The following PTTG1IP2 variants were observed in gnomAD, a reference collection of about 807,000 sequenced individuals.
The protein encoded by PTTG1IP2 is PTTG1IP family member 2.
chr7:90,485,873 A>G (rs1451384297), intron 2 of PTTG1IP2, among the ~76,000 whole-genome samples: 1 of 152,142 alleles, frequency 6.6e-6, no homozygotes, highest in African/African-American at 2.4e-5. Flanking sequence ...CTTGATTCCT[A>G]GACACTCTGA....
intron 2 of PTTG1IP2, among the ~76,000 whole-genome samples, chr7:90,483,529 G>A (rs368421063): frequency 2.0e-5 from 3 of 152,070 alleles, no homozygotes; most frequent in African/African-American, 7.2e-5. Context: ...CAGACAAAAT[G>A]GAAAACACAA....
intron 5 of PTTG1IP2, among the ~76,000 whole-genome samples, chr7:90,493,172 T>C (rs1481955164): frequency 6.6e-6 from 1 of 152,176 alleles, no homozygotes; most frequent in African/African-American, 2.4e-5. Context: ...CAGATTATTT[T>C]AGTGCTTTGG....
At chr7:90,508,874 T>A (rs912595550) in intron 6 of PTTG1IP2, among the ~76,000 whole-genome samples, 6 of 152,224 alleles carry the variant, frequency 3.9e-5, no homozygotes, top group Non-Finnish European at 5.9e-5. Context: ...CACTCATCCC[T>A]CAGCCAGCCT....
chr7:90,482,682 G>A (rs151277937), intron 2 of PTTG1IP2, among the ~76,000 whole-genome samples: 270 of 152,212 alleles, frequency 1.8e-3, no homozygotes, highest in Non-Finnish European at 3.0e-3. Flanking sequence ...TCCTTGGAAC[G>A]AAAGTTCTCA....
intron 6 of PTTG1IP2, among the ~76,000 whole-genome samples, chr7:90,500,816 T>A (rs1798053547): frequency 6.6e-6 from 1 of 152,186 alleles, no homozygotes; most frequent in South Asian, 2.1e-4. Flanking sequence ...GGGCCTGGTG[T>A]CTGGAGGTAT....
chr7:90,501,015 A>G (rs1014277553), intron 6 of PTTG1IP2, among the ~76,000 whole-genome samples: 1 of 152,186 alleles, frequency 6.6e-6, no homozygotes, highest in Admixed American at 6.5e-5. Context: ...CTAAGTAAAC[A>G]TTTAAATTTA....
intron 6 of PTTG1IP2, among the ~76,000 whole-genome samples, chr7:90,506,611 T>G (rs1239389078): frequency 2.0e-5 from 3 of 152,078 alleles, no homozygotes; most frequent in Admixed American, 6.5e-5. Flanking sequence ...AAAAAAAATT[T>G]TTTTAATTAG....
intron 6 of PTTG1IP2, among the ~76,000 whole-genome samples, chr7:90,510,891 G>A (rs1798182206): frequency 6.6e-6 from 1 of 152,176 alleles, no homozygotes; most frequent in Non-Finnish European, 1.5e-5. Flanking sequence ...AAAATGTGGT[G>A]CTTAAAAACT....
chr7:90,496,996 CA>C (rs1395804175), intron 6 of PTTG1IP2, among the ~76,000 whole-genome samples: 2 of 152,040 alleles, frequency 1.3e-5, no homozygotes, highest in African/African-American at 4.8e-5. Context: ...GTGAATTTTC[CA>C]AATTTCTTCT....
At chr7:90,470,290 G>GT (rs1447694820) in intron 1 of PTTG1IP2, 9 of 152,034 alleles carry the variant, frequency 5.9e-5, no homozygotes, top group African/African-American at 2.2e-4. Flanking sequence ...TCTTTCTTAA[G>GT]TTTTTTAAGG....
At chr7:90,503,213 C>T (rs1798081692) in intron 6 of PTTG1IP2, among the ~76,000 whole-genome samples, 1 of 152,214 alleles carries the variant, frequency 6.6e-6, no homozygotes, top group African/African-American at 2.4e-5. Context: ...AGCTTCCTTA[C>T]CTCTCTCAGC....
At chr7:90,487,624 A>G (rs1008570259) in intron 3 of PTTG1IP2, among the ~76,000 whole-genome samples, 1 of 152,222 alleles carries the variant, frequency 6.6e-6, no homozygotes, top group Non-Finnish European at 1.5e-5. Flanking sequence ...TAAGTAAAAT[A>G]AAAATAAAAA....
chr7:90,502,169 T>A (rs551453115), intron 6 of PTTG1IP2, among the ~76,000 whole-genome samples: 1 of 152,344 alleles, frequency 6.6e-6, no homozygotes, highest in South Asian at 2.1e-4. Flanking sequence ...AATCTCTTGC[T>A]ATTTCCACCA....
At chr7:90,471,513 A>C (rs548587680) in intron 1 of PTTG1IP2, among the ~76,000 whole-genome samples, 31 of 152,342 alleles carry the variant, frequency 2.0e-4, no homozygotes, top group African/African-American at 6.5e-4. Context: ...TAAAAAATAT[A>C]CTGAAACCTA....
Position 90,484,844 on chromosome 7 carries a change from T to A in PTTG1IP2, c.193-2483T>A, listed in dbSNP as rs562318261. Among the ~76,000 whole-genome samples, 17 of 152,326 alleles carry A rather than the reference T, an allele frequency of 1.1e-4. No individual in the cohort carries two copies. In the South Asian group the frequency reaches 3.5e-3, roughly 32 times the overall value. On this transcript the variant is annotated intron_variant, in intron 2 of 6. Coordinates refer to ENST00000509356, the MANE Select transcript of PTTG1IP2 (RefSeq NM_001365443.2). ...TTCCTCTTTTCTTTCATCTCTCAGCTCTGCCTCCCTCTGGGAATTGACTTT... is the reference window on the plus strand; with the variant it reads ...TTCCTCTTTTCTTTCATCTCTCAGCACTGCCTCCCTCTGGGAATTGACTTT...
chr7:90,497,270 A>G (rs1046571294), intron 6 of PTTG1IP2, among the ~76,000 whole-genome samples: 1 of 152,078 alleles, frequency 6.6e-6, no homozygotes, highest in Non-Finnish European at 1.5e-5. Flanking sequence ...CATCTCTACA[A>G]AAGAAAAGTT....
At chr7:90,512,262 C>CA (rs557890675) in intron 6 of PTTG1IP2, among the ~76,000 whole-genome samples, 10 of 150,758 alleles carry the variant, frequency 6.6e-5, no homozygotes, top group Non-Finnish European at 1.0e-4. Flanking sequence ...TAGGTGGATA[C>CA]AAAAAAAAGT....
At chr7:90,475,101 G>A (rs1797732405) in intron 1 of PTTG1IP2, among the ~76,000 whole-genome samples, 2 of 152,152 alleles carry the variant, frequency 1.3e-5, no homozygotes, top group Admixed American at 6.5e-5. Flanking sequence ...ATGGAGCAAT[G>A]CAATGTATCC....
chr7:90,497,743 AAG>A lies in PTTG1IP2; in HGVS notation c.*50+3315_*50+3316del, dbSNP rs1562988273. Among the ~76,000 whole-genome samples, 763 of 129,278 alleles carry A rather than the reference AAG, an allele frequency of 5.9e-3. 11 individuals are homozygous for A. Among genetic ancestry groups the A allele is most frequent in the African/African-American group, 0.017 (501 of 30,182 alleles). 84.8% of individuals were successfully genotyped at this position (129,278 alleles called of 152,430 possible). A position where few individuals can be genotyped will look rare whatever the true frequency, so the allele number is the denominator to read the frequency against. On this transcript the variant is annotated intron_variant, in intron 6 of 6. Transcript: ENST00000509356. The stretch of plus-strand genomic sequence containing the variant: ...AAAAAAAAAAAAAAAAAAAAAAAAA[AAG>A]AAGAAGAAGAAGAAGAAGCCGAAGT...
Sources: gnomAD v4.1 joint callset for allele counts (sites outside exome capture counted in the v4.1 genomes callset) on GRCh38, gnomAD v4.1.1 for gene constraint, MANE v1.5 for transcripts, NCBI Gene and HGNC (gene_info 2026-07-23, HGNC 2026-07-21) for gene names.